FHIT: variants seen among roughly 807,000 people sequenced by gnomAD.
The protein encoded by FHIT is bis(5'-adenosyl)-triphosphatase.
FHIT carries 19 observed loss-of-function variants against 17.9 expected under a neutral mutation model. That is an observed-to-expected ratio of 1.06 (90% confidence interval 0.74 to 1.56). The LOEUF (loss-of-function observed/expected upper bound fraction) is 1.56. Among genes scored for constraint, FHIT ranks in the 40% most tolerant of loss-of-function variants. The pLI is 0.00. For synonymous variants in FHIT, 81 were observed against 69.7 expected (o/e 1.16, Z -0.81); for missense variants, 248 against 189.2 (o/e 1.31, Z -1.82).
chr3:60,354,813 T>C (rs1304008415), intron 5 of FHIT, among the ~76,000 whole-genome samples: 1 of 152,184 alleles, frequency 6.6e-6, no homozygotes, highest in South Asian at 2.1e-4. Flanking sequence ...GTATACTTTA[T>C]TCTTGTTATT....
At chr3:59,855,729 T>C (rs1702126407) in intron 8 of FHIT, among the ~76,000 whole-genome samples, 1 of 150,740 alleles carries the variant, frequency 6.6e-6, no homozygotes, top group Admixed American at 6.6e-5. Flanking sequence ...CTAGAAAAGA[T>C]CAAAAAAGTC....
intron 8 of FHIT, among the ~76,000 whole-genome samples, chr3:59,824,397 G>A (rs1265951178): frequency 2.0e-5 from 3 of 152,244 alleles, no homozygotes; most frequent in Non-Finnish European, 2.9e-5. Flanking sequence ...GAACTGATGT[G>A]TATATTGAAA....
At chr3:61,144,675 T>C (rs2107017944) in intron 2 of FHIT, among the ~76,000 whole-genome samples, 2 of 152,146 alleles carry the variant, frequency 1.3e-5, no homozygotes, top group South Asian at 2.1e-4. Flanking sequence ...CATATGAGGG[T>C]TTTAATTTCT....
chr3:60,602,511 A>G (rs1218951600), intron 4 of FHIT, among the ~76,000 whole-genome samples: 1 of 136,364 alleles, frequency 7.3e-6, no homozygotes, highest in African/African-American at 2.6e-5. Context: ...ACCTTCTTGG[A>G]GAGAAAAAAA....
chr3:60,100,953 A>T (rs1019603343), intron 5 of FHIT, among the ~76,000 whole-genome samples: 4 of 152,174 alleles, frequency 2.6e-5, no homozygotes, highest in African/African-American at 9.6e-5. Flanking sequence ...TCCTGTTTTC[A>T]CAGGCCAGGA....
intron 5 of FHIT, chr3:60,535,718 A>G (rs2035957872): frequency 6.6e-6 from 1 of 152,034 alleles, no homozygotes; most frequent in African/African-American, 2.4e-5. Flanking sequence ...CTAAATTAAT[A>G]CAATTTATTT....
chr3:59,971,677 A>G (rs1338549766), intron 7 of FHIT, among the ~76,000 whole-genome samples: 1 of 152,144 alleles, frequency 6.6e-6, no homozygotes, highest in African/African-American at 2.4e-5. Context: ...AAGTTTAGAC[A>G]GAGTCTTTGG....
intron 5 of FHIT, 124 bp downstream of exon 5, chr3:60,536,736 G>C: frequency 1.0e-6 from 1 of 997,642 alleles, no homozygotes. Context: ...GAAGTGGGAG[G>C]GAGATGGATT....
chr3:60,748,232 A>G (rs2042396958), intron 4 of FHIT, among the ~76,000 whole-genome samples: 1 of 152,186 alleles, frequency 6.6e-6, no homozygotes, highest in Non-Finnish European at 1.5e-5. Context: ...TTGGGGACAA[A>G]AAAACTTTTC....
At chr3:60,901,895 G>A (rs1436584433) in intron 3 of FHIT, among the ~76,000 whole-genome samples, 2 of 152,076 alleles carry the variant, frequency 1.3e-5, no homozygotes, top group East Asian at 1.9e-4. Flanking sequence ...CTAGGAATAC[G>A]TCATAAGTAC....
chr3:61,173,472 G>T (rs576220330), intron 2 of FHIT, among the ~76,000 whole-genome samples: 1 of 152,128 alleles, frequency 6.6e-6, no homozygotes, highest in Non-Finnish European at 1.5e-5. Context: ...GAATGCTTTC[G>T]ATGTCTTTGG....
At chr3:60,687,462 G>T (rs1419390358) in intron 4 of FHIT, among the ~76,000 whole-genome samples, 1 of 151,996 alleles carries the variant, frequency 6.6e-6, no homozygotes, top group Non-Finnish European at 1.5e-5. Flanking sequence ...TCTTTTCCAA[G>T]CTACTGATTT....
chr3:59,848,425 G>C (rs555871392), intron 8 of FHIT, among the ~76,000 whole-genome samples: 2 of 152,178 alleles, frequency 1.3e-5, no homozygotes, highest in South Asian at 4.1e-4. Flanking sequence ...TATAGGGAAA[G>C]AATGCCAAAA....
chr3:60,430,772 C>G (rs114717735), intron 5 of FHIT, among the ~76,000 whole-genome samples: 1 of 151,954 alleles, frequency 6.6e-6, no homozygotes, highest in Non-Finnish European at 1.5e-5. Context: ...ATGTAAGGTT[C>G]GATGTACTCT....
intron 5 of FHIT, among the ~76,000 whole-genome samples, chr3:60,107,596 T>G (rs1034777095): frequency 5.3e-5 from 8 of 152,172 alleles, no homozygotes; most frequent in African/African-American, 1.9e-4. Flanking sequence ...TCTATCCCAT[T>G]AGAAAGTCAC....
chr3:61,061,277 T>C (rs2034419416), intron 2 of FHIT, among the ~76,000 whole-genome samples: 1 of 152,156 alleles, frequency 6.6e-6, no homozygotes. Flanking sequence ...TGTGTTCCTG[T>C]TGTGATATAT....
intron 5 of FHIT, among the ~76,000 whole-genome samples, chr3:60,162,969 C>A (rs1701004959): frequency 6.6e-6 from 1 of 152,118 alleles, no homozygotes; most frequent in African/African-American, 2.4e-5. Flanking sequence ...TACAGAGCAC[C>A]CCTGTTTGAG....
Position 60,860,464 on chromosome 3 carries a change from ATATATG to A in FHIT, c.-110-38459_-110-38454del, listed in dbSNP as rs1187256828. 4.3e-3 allele frequency among the ~76,000 whole-genome samples: 554 copies of A among 130,294 alleles called. 25 individuals carry two copies. Among genetic ancestry groups the A allele is most frequent in the Non-Finnish European group, 5.9e-3 (358 of 61,122 alleles). 85.5% of individuals were successfully genotyped at this position (130,294 alleles called of 152,430 possible). On this transcript the variant is annotated intron_variant, in intron 3 of 9. Transcript: ENST00000492590. ...ATGTATATATGATACATATGTACATATATATGTATATATGATACATATGTATCATAT... is the reference window on the plus strand; with the variant it reads ...ATGTATATATGATACATATGTACATATATATATGATACATATGTATCATAT...
intron 3 of FHIT, among the ~76,000 whole-genome samples, chr3:60,993,285 T>C (rs543749433): frequency 2.6e-5 from 4 of 152,354 alleles, no homozygotes; most frequent in African/African-American, 9.6e-5. Context: ...AGTCTTCGTC[T>C]CTGGGTATTA....
Sources: gnomAD v4.1 joint callset for allele counts (sites outside exome capture counted in the v4.1 genomes callset) on GRCh38, gnomAD v4.1.1 for gene constraint, MANE v1.5 for transcripts, NCBI Gene and HGNC (gene_info 2026-07-23, HGNC 2026-07-21) for gene names.